Variants in PCLO observed in about 807,000 individuals in gnomAD.
PCLO encodes the protein piccolo presynaptic cytomatrix protein.
In PCLO, 82 loss-of-function variants were observed where a neutral mutation model predicts 427.5. That is an observed-to-expected ratio of 0.19 (90% CI 0.16 to 0.23). The LOEUF (loss-of-function observed/expected upper bound fraction) is 0.23, where lower values mean the gene tolerates loss of function less well. Ranked by LOEUF, PCLO falls within the 10% of genes least tolerant of loss-of-function variation. The pLI, the probability that PCLO is intolerant of heterozygous loss-of-function variation, is 1.00. For synonymous variants in PCLO, 2,357 were observed against 2,155.4 expected (o/e 1.09, Z -2.59); for missense variants, 6,239 against 6,115.9 (o/e 1.02, Z -0.67).
intron 21 of PCLO, among the ~76,000 whole-genome samples, chr7:82,803,028 C>A (rs1489029854): frequency 6.6e-6 from 1 of 151,804 alleles, no homozygotes; most frequent in Admixed American, 6.6e-5. Flanking sequence ...TCCATTTTAC[C>A]ATATATATGT....
At chr7:83,042,243 C>G (rs1181976238) in intron 3 of PCLO, among the ~76,000 whole-genome samples, 1 of 152,056 alleles carries the variant, frequency 6.6e-6, no homozygotes, top group Non-Finnish European at 1.5e-5. Flanking sequence ...TCAATTCTTG[C>G]ACACTAATGA....
chr7:83,016,086 G>A (rs575839700), intron 3 of PCLO, among the ~76,000 whole-genome samples: 25 of 152,262 alleles, frequency 1.6e-4, no homozygotes, highest in African/African-American at 4.8e-4. Flanking sequence ...GAAAGCAAGT[G>A]AGGTTCTTCC....
In PCLO at chr7:83,067,738, T is replaced by A. The variant is rs531253644; in HGVS notation, c.3300+66512A>T. On this transcript the variant is annotated intron_variant, in intron 3 of 24. Transcript: ENST00000333891. The stretch of plus-strand genomic sequence containing the variant: ...ACTTGTTTTGTTATATTTTCATTTC[T>A]AAGTAAGATGCATCATCTTTATACC... Among the ~76,000 whole-genome samples, 5 of 152,362 alleles carry A rather than the reference T, an allele frequency of 3.3e-5. 1 individual carries two copies. The highest frequency in any genetic ancestry group is 1.2e-4 in the African/African-American group (5 of 41,592).
chr7:82,844,259 G>T (rs1792443129), intron 13 of PCLO, among the ~76,000 whole-genome samples: 1 of 151,988 alleles, frequency 6.6e-6, no homozygotes, highest in Admixed American at 6.6e-5. Flanking sequence ...TTCAAAATTA[G>T]CACATAATTG....
chr7:83,094,053 T>G (rs551911650), intron 3 of PCLO, among the ~76,000 whole-genome samples: 1 of 151,986 alleles, frequency 6.6e-6, no homozygotes, highest in Non-Finnish European at 1.5e-5. Context: ...AGCCATGTGT[T>G]GCTTTTTTAT....
chr7:83,024,255 G>A (rs974511163), intron 3 of PCLO, among the ~76,000 whole-genome samples: 3 of 152,182 alleles, frequency 2.0e-5, no homozygotes, highest in African/African-American at 7.2e-5. Flanking sequence ...CGCGCACCAT[G>A]CGCGAGCCGA....
intron 20 of PCLO, among the ~76,000 whole-genome samples, chr7:82,815,138 T>G (rs963239527): frequency 1.3e-5 from 2 of 152,062 alleles, no homozygotes; most frequent in Non-Finnish European, 2.9e-5. Context: ...TCTAGAAATA[T>G]ATGGCATGAA....
At chr7:82,943,655 G>A (rs889404751) in intron 6 of PCLO, among the ~76,000 whole-genome samples, 1 of 151,994 alleles carries the variant, frequency 6.6e-6, no homozygotes, top group East Asian at 1.9e-4. Flanking sequence ...TGATCATCTG[G>A]GGTAGGATGT....
chr7:82,954,503 T>C lies in PCLO; in HGVS notation c.6450A>G (p.Thr2150=). The part of the protein sequence containing the change: ...EIEDEYVTDY[T]REIQEIIAHE... ...GGGCAATTATCTCTTGAATTTCTCT[T>C]GTATAATCGGTTACATATTCATCCT... The change falls in exon 5 of 25, where the codon ACA becomes ACG. Residue 2150 remains threonine (T), a synonymous_variant. Coordinates refer to ENST00000333891, the MANE Select transcript of PCLO (RefSeq NM_033026.6). The C allele has an allele frequency of 6.2e-7, 1 of 1,613,988 alleles. No individual in the cohort carries two copies. Among genetic ancestry groups the C allele is most frequent in the Non-Finnish European group, 8.5e-7 (1 of 1,179,874 alleles).
intron 10 of PCLO, among the ~76,000 whole-genome samples, chr7:82,869,841 TA>T (rs1450835518): frequency 6.6e-6 from 1 of 151,934 alleles, no homozygotes; most frequent in Non-Finnish European, 1.5e-5. Context: ...TTTAACTAAA[TA>T]AATGAAAGAT....
In PCLO at chr7:83,050,226, A is replaced by AC. The variant is rs1425172394; in HGVS notation, c.3301-83740_3301-83739insG. 6.6e-4 allele frequency among the ~76,000 whole-genome samples: 82 copies of AC among 123,340 alleles called. 2 individuals carry two copies. The highest frequency in any genetic ancestry group is 1.9e-3 in the African/African-American group (63 of 32,368). The allele number at this position is 123,340 out of a possible 152,430, so 80.9% of individuals were successfully genotyped here. A position where few individuals can be genotyped will look rare whatever the true frequency, so the allele number is the denominator to read the frequency against. On this transcript the variant is annotated intron_variant, in intron 3 of 24. Coordinates refer to ENST00000333891, the MANE Select transcript of PCLO (RefSeq NM_033026.6). ...AAAAACTGAAAAAAAAAAAAAAAAA[A>AC]AAAAAAAAAAACACAAGCAAACAAA...
At chr7:83,126,148 C>T (rs1176269093) in intron 3 of PCLO, among the ~76,000 whole-genome samples, 2 of 152,136 alleles carry the variant, frequency 1.3e-5, no homozygotes, top group Admixed American at 1.3e-4. Flanking sequence ...CTTATATTCT[C>T]ACTCATATGT....
chr7:82,911,324 A>C (rs2116241779), intron 7 of PCLO, among the ~76,000 whole-genome samples: 1 of 152,266 alleles, frequency 6.6e-6, no homozygotes, highest in African/African-American at 2.4e-5. Context: ...AGTTGTACAT[A>C]AATGCTAATT....
chr7:83,159,501 T>C (rs755093984), intron 1 of PCLO, among the ~76,000 whole-genome samples: 5 of 152,066 alleles, frequency 3.3e-5, no homozygotes, highest in Non-Finnish European at 7.4e-5. Flanking sequence ...GAGCATTTCA[T>C]TTGTAACCTG....
chr7:82,925,566 T>G (rs1337195515), intron 6 of PCLO, among the ~76,000 whole-genome samples: 1 of 152,068 alleles, frequency 6.6e-6, no homozygotes, highest in Non-Finnish European at 1.5e-5. Flanking sequence ...TATTCAGCAG[T>G]CTATCTTACA....
At chr7:82,967,395 G>C (rs1320664998) in intron 3 of PCLO, among the ~76,000 whole-genome samples, 1 of 151,858 alleles carries the variant, frequency 6.6e-6, no homozygotes, top group East Asian at 1.9e-4. Context: ...GGCTGGTCTT[G>C]AACTCCCGAC....
At chr7:83,020,273 CT>C (rs1402831476) in intron 3 of PCLO, among the ~76,000 whole-genome samples, 1 of 152,074 alleles carries the variant, frequency 6.6e-6, no homozygotes, top group East Asian at 1.9e-4. Context: ...TACATTCCAT[CT>C]TTCATGAGGG....
At chr7:83,023,155 T>A (rs569702669) in intron 3 of PCLO, among the ~76,000 whole-genome samples, 2 of 152,302 alleles carry the variant, frequency 1.3e-5, no homozygotes, top group African/African-American at 4.8e-5. Context: ...ACATAAAGTA[T>A]TAATGGCATT....
At chr7:83,129,848 T>G (rs1791526211) in intron 3 of PCLO, among the ~76,000 whole-genome samples, 2 of 152,276 alleles carry the variant, frequency 1.3e-5, no homozygotes, top group South Asian at 2.1e-4. Flanking sequence ...TAAAAATGCA[T>G]AGAAAAATGG....
Sources: allele counts gnomAD v4.1 joint callset (sites outside exome capture counted in the v4.1 genomes callset), GRCh38; gene constraint gnomAD v4.1.1; transcripts MANE v1.5; gene names NCBI Gene and HGNC (gene_info 2026-07-23, HGNC 2026-07-21).